The following ZNRF1 variants were observed in gnomAD, a reference collection of about 807,000 sequenced individuals.
The protein encoded by ZNRF1 is E3 ubiquitin-protein ligase ZNRF1.
Under a neutral mutation model 18.4 loss-of-function variants are expected in ZNRF1, and 3 were observed. The observed-to-expected ratio is 0.16, with a 90% CI of 0.07 to 0.42. The LOEUF (loss-of-function observed/expected upper bound fraction) is 0.42, where lower values mean the gene tolerates loss of function less well. Ranked by LOEUF, ZNRF1 falls within the 10% of genes least tolerant of loss-of-function variation. ZNRF1 has a pLI of 0.99. For missense variants in ZNRF1, 310 were observed against 329.8 expected, an observed-to-expected ratio of 0.94 and a Z score of 0.47; for synonymous variants, 157 against 144.2, an observed-to-expected ratio of 1.09 and a Z score of -0.64.
chr16:75,021,097 A>G (rs34802148), intron 1 of ZNRF1, among the ~76,000 whole-genome samples: 46,416 of 152,034 alleles, frequency 0.31, 8,331 homozygotes, highest in East Asian at 0.62. Flanking sequence ...CTGGAGTGCA[A>G]TGGGGCGGTC....
Position 75,108,409 on chromosome 16 carries a change from A to G in ZNRF1, c.*709A>G, listed in dbSNP as rs961028774. ...ATTTAACAATCACAAGTGTCCTGCA[A>G]AAATGCCTGAACATTATTCTTAGGC... is the stretch of plus-strand genomic sequence containing the variant. On this transcript the variant is annotated 3_prime_UTR_variant, in exon 5 of 5. Transcript: ENST00000335325. 7.4e-5 allele frequency: 29 copies of G among 393,712 alleles called. No homozygotes were observed. The highest frequency in any genetic ancestry group is 4.5e-4 in the African/African-American group (22 of 48,502). The allele number at this position is 393,712 out of a possible 1,614,324, so 24.4% of individuals were successfully genotyped here.
rs546715962 is a variant in ZNRF1, at chr16:75,069,777, G to C, written c.425-23795G>C. On this transcript the variant is annotated intron_variant, in intron 1 of 4. Transcript: ENST00000335325. ...TCTCCAGTCCAGATCTTCCCCCTGG[G>C]CCTCGGCCCCTCACACCAGATAAAC... Among the ~76,000 whole-genome samples, 6 of 152,224 alleles carry C rather than the reference G, an allele frequency of 3.9e-5. No individual in the cohort carries two copies. In the South Asian group the frequency reaches 1.2e-3, roughly 32 times the overall value.
At chr16:75,071,704 G>A (rs905756297) in intron 1 of ZNRF1, among the ~76,000 whole-genome samples, 1 of 152,136 alleles carries the variant, frequency 6.6e-6, no homozygotes, top group African/African-American at 2.4e-5. Context: ...AGTGCATGTG[G>A]GACGGAAATA....
At chr16:75,044,913 G>C (rs528818553) in intron 1 of ZNRF1, among the ~76,000 whole-genome samples, 2 of 152,202 alleles carry the variant, frequency 1.3e-5, no homozygotes, top group Admixed American at 6.5e-5. Flanking sequence ...TCACCCATGG[G>C]CCTATTCAAA....
chr16:75,037,076 C>T (rs145087538), intron 1 of ZNRF1, among the ~76,000 whole-genome samples: 6 of 152,260 alleles, frequency 3.9e-5, no homozygotes, highest in Admixed American at 2.0e-4. Flanking sequence ...CTATTTCCAT[C>T]TTACAGATGG....
At chr16:75,075,631 T>C (rs1336398119) in intron 1 of ZNRF1, among the ~76,000 whole-genome samples, 1 of 152,206 alleles carries the variant, frequency 6.6e-6, no homozygotes, top group Non-Finnish European at 1.5e-5. Flanking sequence ...ACAGATATTT[T>C]CAAGAGCCCA....
At position 75,000,370 on chromosome 16, in the gene ZNRF1, C is replaced by A. The variant is rs73612085; in HGVS notation, c.424+275C>A. The A allele has an allele frequency of 8.1e-3, 5,085 of 630,394 alleles. 215 individuals are homozygous for A. The African/African-American group carries it at 0.083, about 10-fold the overall frequency. The allele number at this position is 630,394 out of a possible 1,614,324, so 39.1% of individuals were successfully genotyped here. A position where few individuals can be genotyped will look rare whatever the true frequency, so the allele number is the denominator to read the frequency against. On this transcript the variant is annotated intron_variant, in intron 1 of 4. Coordinates refer to ENST00000335325, the MANE Select transcript of ZNRF1 (RefSeq NM_032268.5). ...CTATTGGAGTTCCATTTATTGGCATCACCCTCCTCAGAGAAGAGGTCGTGT... is the reference window on the plus strand; with the variant it reads ...CTATTGGAGTTCCATTTATTGGCATAACCCTCCTCAGAGAAGAGGTCGTGT...
At chr16:75,018,894 G>A (rs1371059375) in intron 1 of ZNRF1, among the ~76,000 whole-genome samples, 1 of 152,076 alleles carries the variant, frequency 6.6e-6, no homozygotes, top group African/African-American at 2.4e-5. Flanking sequence ...GGCAAGGCTT[G>A]GTGGCTCACG....
chr16:75,026,094 A>G (rs946868726), intron 1 of ZNRF1, among the ~76,000 whole-genome samples: 1 of 152,202 alleles, frequency 6.6e-6, no homozygotes, highest in African/African-American at 2.4e-5. Flanking sequence ...GAGTCAGGTG[A>G]CAGGTCAGCA....
At chr16:75,049,776 A>G (rs1180495579) in intron 1 of ZNRF1, among the ~76,000 whole-genome samples, 13 of 152,010 alleles carry the variant, frequency 8.6e-5, no homozygotes, top group Admixed American at 2.6e-4. Context: ...AAATGAGGCA[A>G]TTGGCATGGG....
In ZNRF1 at chr16:75,086,820, G is replaced by T. The variant is rs150709116; in HGVS notation, c.425-6752G>T. On this transcript the variant is annotated intron_variant, in intron 1 of 4. Transcript: ENST00000335325. ...TACCCTCATCTACCCCTCTGCCCCA[G>T]GACCTCCCATCTGTGTGGCGTGGCT... 5.9e-3 allele frequency among the ~76,000 whole-genome samples: 896 copies of T among 152,232 alleles called. 7 individuals carry two copies. Among genetic ancestry groups the T allele is most frequent in the Non-Finnish European group, 9.9e-3 (676 of 68,008 alleles).
chr16:75,085,791 T>TGAGAGGGA (rs1555513817), intron 1 of ZNRF1, among the ~76,000 whole-genome samples: 3 of 139,042 alleles, frequency 2.2e-5, no homozygotes, highest in Non-Finnish European at 4.5e-5. Context: ...TCCGACAGAG[T>TGAGAGGGA]GAGAGAGAGA....
chr16:75,106,632 C>T (rs1029106029), intron 4 of ZNRF1, 61 bp downstream of exon 4: 1 of 1,472,560 alleles, frequency 6.8e-7, no homozygotes. Context: ...CTTTGGGGGC[C>T]TGCAGTTTAG....
At chr16:75,036,933 T>C (rs1176294511) in intron 1 of ZNRF1, among the ~76,000 whole-genome samples, 3 of 152,208 alleles carry the variant, frequency 2.0e-5, no homozygotes, top group East Asian at 1.9e-4. Flanking sequence ...GTTGTGTTGA[T>C]TTGGGAGAGA....
At chr16:75,059,891 T>G (rs1374386368) in intron 1 of ZNRF1, among the ~76,000 whole-genome samples, 1 of 152,182 alleles carries the variant, frequency 6.6e-6, no homozygotes, top group African/African-American at 2.4e-5. Flanking sequence ...CTCTCTTCAC[T>G]CCTTTACAAA....
intron 1 of ZNRF1, among the ~76,000 whole-genome samples, chr16:75,010,331 CTT>C (rs1159132055): frequency 6.6e-6 from 1 of 152,238 alleles, no homozygotes; most frequent in East Asian, 1.9e-4. Flanking sequence ...TTTTAAGAAA[CTT>C]TTTAAAGCCT....
At chr16:75,097,877 C>T (rs898252941) in intron 2 of ZNRF1, among the ~76,000 whole-genome samples, 26 of 152,206 alleles carry the variant, frequency 1.7e-4, no homozygotes, top group Admixed American at 6.5e-5. Flanking sequence ...GCAGAAATGG[C>T]TCCTGCTATA....
At chr16:75,088,773 TGAG>T (rs1012074349) in intron 1 of ZNRF1, among the ~76,000 whole-genome samples, 2 of 152,212 alleles carry the variant, frequency 1.3e-5, no homozygotes, top group Admixed American at 6.5e-5. Context: ...CTACCGTATA[TGAG>T]AAGACATGTA....
At chr16:75,051,115 C>A (rs2035597002) in intron 1 of ZNRF1, among the ~76,000 whole-genome samples, 1 of 151,732 alleles carries the variant, frequency 6.6e-6, no homozygotes, top group Admixed American at 6.6e-5. Context: ...GCAGTAGGCC[C>A]ACTTGAGCCT....
Sources: allele counts gnomAD v4.1 joint callset (sites outside exome capture counted in the v4.1 genomes callset), GRCh38; gene constraint gnomAD v4.1.1; transcripts MANE v1.5; gene names NCBI Gene and HGNC (gene_info 2026-07-23, HGNC 2026-07-21).